Variants in SSPN observed in about 807,000 individuals in gnomAD.
SSPN encodes sarcospan, also known as K-ras oncogene-associated protein.
SSPN carries 15 observed loss-of-function variants against 19.1 expected under a neutral mutation model. The observed-to-expected ratio is 0.78, with a 90% CI of 0.52 to 1.21. The LOEUF is 1.21. SSPN is among the 50% of genes most tolerant of loss of function. The pLI, the probability that SSPN is intolerant of heterozygous loss-of-function variation, is 0.00. For missense variants in SSPN, 291 were observed against 314.0 expected (o/e 0.93, Z 0.55); for synonymous variants, 147 against 140.3 (o/e 1.05, Z -0.34).
intron 1 of SSPN, among the ~76,000 whole-genome samples, chr12:26,164,320 T>A (rs1469081851): frequency 6.6e-6 from 1 of 152,246 alleles, no homozygotes; most frequent in Non-Finnish European, 1.5e-5. Flanking sequence ...CTAGAGTCTT[T>A]GTTTTAAAGA....
At chr12:26,194,936 G>C (rs1394011210), upstream of SSPN, among the ~76,000 whole-genome samples, 1 of 152,204 alleles carries the variant, frequency 6.6e-6, no homozygotes, top group African/African-American at 2.4e-5. Flanking sequence ...GCTGCAGTGA[G>C]CTAGGATGGT....
At position 26,195,607 on chromosome 12, in the gene SSPN, T is replaced by C; in HGVS notation, c.-66T>C. 1 of 1,343,036 alleles carries C rather than the reference T, an allele frequency of 7.4e-7. No individual in the cohort carries two copies. The highest frequency in any genetic ancestry group is 9.5e-7 in the Non-Finnish European group (1 of 1,054,146). The allele number at this position is 1,343,036 out of a possible 1,614,324, so 83.2% of individuals were successfully genotyped here. A position where few individuals can be genotyped will look rare whatever the true frequency, so the allele number is the denominator to read the frequency against. On this transcript the variant is annotated 5_prime_UTR_variant, in exon 1 of 3. Coordinates refer to ENST00000242729, the MANE Select transcript of SSPN (RefSeq NM_005086.5). ...ATACCAGGGCAGGCCGAGCCAGCCG[T>C]GCGCCGCGCTCCAGGGCCCAGGGCG...
At chr12:26,147,421 G>A (rs1383108916) in intron 1 of SSPN, among the ~76,000 whole-genome samples, 2 of 152,056 alleles carry the variant, frequency 1.3e-5, no homozygotes, top group African/African-American at 4.8e-5. Context: ...GCAGGCACCT[G>A]CCATCATGCC....
At chr12:26,219,853 T>G (rs1945099985) in intron 1 of SSPN, among the ~76,000 whole-genome samples, 1 of 152,200 alleles carries the variant, frequency 6.6e-6, no homozygotes, top group Non-Finnish European at 1.5e-5. Flanking sequence ...CACCACCATC[T>G]GGGTGTCTGG....
chr12:26,195,681 G>A lies in SSPN; in HGVS notation c.9G>A (p.Lys3=). The change falls in exon 1 of 3, where the codon AAG becomes AAA. Residue 3 remains lysine, a synonymous_variant. Transcript: ENST00000242729. MG[K]NKQPRGQQRQ... ...CCCAGCCTCGCAGCGCCATGGGCAAGAACAAGCAGCCACGCGGCCAGCAGA... is the reference window on the plus strand; with the variant it reads ...CCCAGCCTCGCAGCGCCATGGGCAAAAACAAGCAGCCACGCGGCCAGCAGA... 1.9e-6 allele frequency: 2 copies of A among 1,046,812 alleles called. No individual in the cohort carries two copies. The highest frequency in any genetic ancestry group is 1.9e-5 in the South Asian group (1 of 53,404). The allele number at this position is 1,046,812 out of a possible 1,614,324, so 64.8% of individuals were successfully genotyped here.
At chr12:26,153,872 C>T (rs1944540290) in intron 1 of SSPN, among the ~76,000 whole-genome samples, 1 of 152,162 alleles carries the variant, frequency 6.6e-6, no homozygotes, top group African/African-American at 2.4e-5. Flanking sequence ...CCTTATGGTC[C>T]CTCCTGATGG....
At chr12:26,201,022 TA>T (rs1477105746) in intron 1 of SSPN, among the ~76,000 whole-genome samples, 6 of 34,688 alleles carry the variant, frequency 1.7e-4, no homozygotes, top group African/African-American at 5.9e-4. Context: ...TATATATATA[TA>T]TATATATATA....
intron 1 of SSPN, among the ~76,000 whole-genome samples, chr12:26,218,975 A>T (rs1413665706): frequency 6.6e-6 from 1 of 152,226 alleles, no homozygotes; most frequent in Non-Finnish European, 1.5e-5. Flanking sequence ...ATGAGAAGAG[A>T]GTTCATCTTG....
chr12:26,231,070 G>T lies in SSPN; in HGVS notation c.726G>T (p.Lys242Asn), dbSNP rs757717684. Residue 242 changes from lysine (K) to asparagine (N), a missense_variant, in exon 3 of 3, where the codon AAG becomes AAT. By Grantham distance (94) the Lys-to-Asn change is moderately conservative. Around this residue, in one of 3 missense-constraint regions of SSPN, gnomAD observed 141 missense variants for 166.7 expected, o/e 0.85. Transcript: ENST00000242729. ...SLTASEGPQQ[K>N]I ...CGGCTTCCGAAGGCCCCCAGCAAAA[G>T]ATCTAACATTCTTGCTCAAAGTTGC... The T allele has an allele frequency of 1.2e-6, 2 of 1,610,140 alleles. No homozygotes were observed. Among genetic ancestry groups the T allele is most frequent in the South Asian group, 1.1e-5 (1 of 90,852 alleles).
intron 1 of SSPN, among the ~76,000 whole-genome samples, chr12:26,155,152 G>T (rs936274782): frequency 1.3e-5 from 2 of 152,176 alleles, no homozygotes; most frequent in Non-Finnish European, 2.9e-5. Context: ...TGCTTTTAAA[G>T]TTACAACTAG....
intron 1 of SSPN, chr12:26,180,511 C>T (rs1216332163): frequency 6.6e-6 from 1 of 152,206 alleles, no homozygotes; most frequent in Non-Finnish European, 1.5e-5. Context: ...TCTCATGCCA[C>T]AAAATATAAA....
chr12:26,184,466 C>A (rs1944739466), intron 1 of SSPN, among the ~76,000 whole-genome samples: 1 of 152,138 alleles, frequency 6.6e-6, no homozygotes, highest in Non-Finnish European at 1.5e-5. Context: ...GTTCAATGGC[C>A]TCAATAGTTA....
intron 1 of SSPN, among the ~76,000 whole-genome samples, chr12:26,208,991 A>G (rs142254146): frequency 0.01 from 1,573 of 152,090 alleles, 19 homozygotes; most frequent in African/African-American, 0.037. Context: ...ATGGATAAGC[A>G]GCCCACCCCC....
chr12:26,123,197 G>C lies in SSPN; in HGVS notation c.-31+1045G>C, dbSNP rs746857450. On this transcript the variant is annotated intron_variant, in intron 1 of 2. Coordinates refer to the SSPN transcript ENST00000538142. ...GGATGAGGAAGGGATGGGGGTGGGGGACGGAGGAGTGGAGGCAAGAAGAAA... is the reference window on the plus strand; with the variant it reads ...GGATGAGGAAGGGATGGGGGTGGGGCACGGAGGAGTGGAGGCAAGAAGAAA... 15 of 1,554,684 alleles carry C rather than the reference G, an allele frequency of 9.6e-6. No homozygotes were observed. The South Asian group carries it at 1.8e-4, about 19-fold the overall frequency.
Position 26,207,975 on chromosome 12 carries a change from G to C in SSPN, c.279+12024G>C, listed in dbSNP as rs187157471. On this transcript the variant is annotated intron_variant, in intron 1 of 2. Transcript: ENST00000242729. ...TGATCGCACCACCGCACTTCAGCCT[G>C]GGCAACAGAGCAAGACCCTGTCTCA... Among the ~76,000 whole-genome samples the C allele has an allele frequency of 4.9e-3, 741 of 151,000 alleles. 2 individuals carry two copies. Among genetic ancestry groups the C allele is most frequent in the Non-Finnish European group, 7.5e-3 (510 of 67,700 alleles).
At chr12:26,130,489 C>A (rs1462747529) in intron 1 of SSPN, among the ~76,000 whole-genome samples, 1 of 152,140 alleles carries the variant, frequency 6.6e-6, no homozygotes, top group African/African-American at 2.4e-5. Flanking sequence ...TCCAGACTTA[C>A]AATCAAAACT....
chr12:26,159,636 G>C (rs1198646127), intron 1 of SSPN, among the ~76,000 whole-genome samples: 1 of 152,208 alleles, frequency 6.6e-6, no homozygotes, highest in Non-Finnish European at 1.5e-5. Context: ...CATGAGAATG[G>C]TTATGTTTTC....
At chr12:26,128,929 C>A (rs1364420948) in intron 1 of SSPN, among the ~76,000 whole-genome samples, 1 of 152,172 alleles carries the variant, frequency 6.6e-6, no homozygotes, top group East Asian at 1.9e-4. Flanking sequence ...GTCCTGCACT[C>A]ATTATATTCA....
chr12:26,188,057 G>C (rs1470914565), intron 1 of SSPN, among the ~76,000 whole-genome samples: 1 of 152,198 alleles, frequency 6.6e-6, no homozygotes, highest in African/African-American at 2.4e-5. Flanking sequence ...CTCCATGTTT[G>C]CATCAACTAT....
Sources: allele counts gnomAD v4.1 joint callset (sites outside exome capture counted in the v4.1 genomes callset), GRCh38; gene constraint gnomAD v4.1.1; regional missense constraint gnomAD v4.1.1; transcripts MANE v1.5; gene names NCBI Gene and HGNC (gene_info 2026-07-23, HGNC 2026-07-21).